The following RIMS2 variants were observed in gnomAD, a reference collection of about 807,000 sequenced individuals.
RIMS2 encodes the protein regulating synaptic membrane exocytosis 2.
A neutral mutation model predicts 174.4 loss-of-function variants in RIMS2; 59 were observed. That is an observed-to-expected ratio of 0.34 (90% CI 0.27 to 0.42). The LOEUF (loss-of-function observed/expected upper bound fraction) is 0.42, where lower values mean the gene tolerates loss of function less well. Among genes scored for constraint, RIMS2 ranks in the 10% least tolerant of loss-of-function variants. The pLI is 1.00. For synonymous variants in RIMS2, 606 were observed against 572.5 expected (o/e 1.06, Z -0.84); for missense variants, 1,620 against 1,666.3 (o/e 0.97, Z 0.48).
chr8:103,967,161 T>C (rs564300466), intron 15 of RIMS2, among the ~76,000 whole-genome samples: 15 of 146,254 alleles, frequency 1.0e-4, no homozygotes, highest in Non-Finnish European at 2.1e-4. Context: ...GCCTGCTTGA[T>C]CTGTTCTTGT....
chr8:104,036,812 G>A (rs1221212671), intron 19 of RIMS2, among the ~76,000 whole-genome samples: 1 of 152,080 alleles, frequency 6.6e-6, no homozygotes, highest in African/African-American at 2.4e-5. Context: ...GGGAGGCGGA[G>A]CTTGCAGTGA....
chr8:103,601,787 G>C (rs893140432), intron 1 of RIMS2, among the ~76,000 whole-genome samples: 4 of 151,310 alleles, frequency 2.6e-5, no homozygotes, highest in East Asian at 1.9e-4. Flanking sequence ...TTTACTTTTT[G>C]CTTTTTATTT....
At chr8:103,568,712 A>G in intron 1 of RIMS2, 1 of 801,636 alleles carries the variant, frequency 1.2e-6, no homozygotes, top group East Asian at 3.0e-5. Flanking sequence ...CTTCTAGCTT[A>G]CATAAGGGAG....
rs962304188 is a variant in RIMS2, at chr8:103,636,822, C to T, written c.177-60264C>T. Among the ~76,000 whole-genome samples the T allele has an allele frequency of 4.9e-5, 6 of 122,128 alleles. No individual in the cohort carries two copies. In the East Asian group the frequency reaches 1.7e-3, roughly 34 times the overall value. 80.1% of individuals were successfully genotyped at this position (122,128 alleles called of 152,430 possible). On this transcript the variant is annotated intron_variant, in intron 1 of 23. Coordinates refer to ENST00000504942, the Ensembl canonical transcript of RIMS2. ...CCCCCACACACACACACATACCAATCTGCGTTTTGGGGAGGCACAGCCTTC... is the reference window on the plus strand; with the variant it reads ...CCCCCACACACACACACATACCAATTTGCGTTTTGGGGAGGCACAGCCTTC...
chr8:104,116,578 G>C (rs1566505285), intron 19 of RIMS2, among the ~76,000 whole-genome samples: 1 of 152,088 alleles, frequency 6.6e-6, no homozygotes, highest in Non-Finnish European at 1.5e-5. Context: ...ATTATTGATT[G>C]ATTTAGGATT....
intron 1 of RIMS2, among the ~76,000 whole-genome samples, chr8:103,562,645 G>T (rs2091771585): frequency 6.6e-6 from 1 of 152,146 alleles, no homozygotes; most frequent in Non-Finnish European, 1.5e-5. Flanking sequence ...CTATTCTGGG[G>T]TCTGGAGGAC....
intron 1 of RIMS2, among the ~76,000 whole-genome samples, chr8:103,580,356 A>G (rs140496128): frequency 6.6e-6 from 1 of 152,054 alleles, no homozygotes; most frequent in East Asian, 1.9e-4. Context: ...TTTCATTGCA[A>G]TTAGAAACCA....
At chr8:103,681,508 G>A (rs1349095471) in intron 1 of RIMS2, among the ~76,000 whole-genome samples, 1 of 151,878 alleles carries the variant, frequency 6.6e-6, no homozygotes, top group Non-Finnish European at 1.5e-5. Flanking sequence ...ATTATATTAT[G>A]GATACCTAAG....
chr8:103,648,904 TTG>T (rs1483561860), intron 1 of RIMS2, among the ~76,000 whole-genome samples: 1 of 152,128 alleles, frequency 6.6e-6, no homozygotes, highest in East Asian at 1.9e-4. Flanking sequence ...GCTTGCAATT[TTG>T]TGTCTTTTAA....
At chr8:103,803,338 CTTAGA>C (rs1332550717) in intron 3 of RIMS2, among the ~76,000 whole-genome samples, 5 of 152,034 alleles carry the variant, frequency 3.3e-5, no homozygotes, top group African/African-American at 1.2e-4. Flanking sequence ...TAAGACGTAA[CTTAGA>C]TTAAAGTGGT....
chr8:104,129,691 TTCTTTATTATTTGATG>T (rs1233710338), intron 19 of RIMS2, among the ~76,000 whole-genome samples: 1 of 152,194 alleles, frequency 6.6e-6, no homozygotes, highest in African/African-American at 2.4e-5. Flanking sequence ...TTACTGGAAA[TTCTTTATTATTTGATG>T]TCTTTACCAT....
chr8:103,910,161 A>C (rs763323466), exon 5 of RIMS2: 13 of 1,612,126 alleles, frequency 8.1e-6, no homozygotes, highest in African/African-American at 1.3e-5. Flanking sequence ...TGGTTGGATC[A>C]TACGTCTTGG....
intron 19 of RIMS2, among the ~76,000 whole-genome samples, chr8:104,171,300 A>G (rs926033705): frequency 7.8e-5 from 10 of 128,362 alleles, no homozygotes; most frequent in African/African-American, 3.0e-4. Flanking sequence ...GCTGTTTTAC[A>G]TAATCCCATT....
At chr8:103,818,022 CTG>C (rs1380678587) in intron 3 of RIMS2, among the ~76,000 whole-genome samples, 1 of 151,412 alleles carries the variant, frequency 6.6e-6, no homozygotes, top group Non-Finnish European at 1.5e-5. Flanking sequence ...AAATAATAAA[CTG>C]AAATAAAATG....
chr8:104,005,229 G>A (rs967332976), intron 17 of RIMS2, among the ~76,000 whole-genome samples: 6 of 152,152 alleles, frequency 3.9e-5, no homozygotes, highest in Non-Finnish European at 8.8e-5. Context: ...ATAGATAATA[G>A]CAACCTGTAT....
At chr8:104,199,131 G>A (rs1329003194) in intron 19 of RIMS2, among the ~76,000 whole-genome samples, 1 of 151,934 alleles carries the variant, frequency 6.6e-6, no homozygotes, top group Non-Finnish European at 1.5e-5. Context: ...GCGCCATCTC[G>A]GCTCACTGCA....
intron 19 of RIMS2, among the ~76,000 whole-genome samples, chr8:104,197,564 T>G (rs144264904): frequency 8.5e-4 from 130 of 152,358 alleles, no homozygotes; most frequent in Non-Finnish European, 1.2e-3. Flanking sequence ...AGACAAACCT[T>G]CTTTATTTAA....
At chr8:103,942,655 T>A (rs1595567042) in intron 13 of RIMS2, 118 bp from the exon 16 acceptor site, 1 of 722,454 alleles carries the variant, frequency 1.4e-6, no homozygotes, top group East Asian at 2.8e-5. Flanking sequence ...TAAATGACCT[T>A]GTTTTTCATG....
Position 103,584,102 on chromosome 8 carries a change from A to G in RIMS2, c.176+83040A>G, listed in dbSNP as rs75654407. On this transcript the variant is annotated intron_variant, in intron 1 of 23. Coordinates refer to ENST00000504942, the Ensembl canonical transcript of RIMS2. ...ATCCGAAAAGCAGCAAGAGAAAATA[A>G]ACAAATAACATAAATAGAGCTCCAG... 8.5e-5 allele frequency among the ~76,000 whole-genome samples: 13 copies of G among 152,364 alleles called. No homozygotes were observed. In the East Asian group the frequency reaches 9.6e-4, roughly 11 times the overall value.
Sources: allele counts gnomAD v4.1 joint callset (sites outside exome capture counted in the v4.1 genomes callset), GRCh38; gene constraint gnomAD v4.1.1; transcripts MANE v1.5; gene names NCBI Gene and HGNC (gene_info 2026-07-23, HGNC 2026-07-21).